The following PAAF1 variants were observed in gnomAD, a reference collection of about 807,000 sequenced individuals.
The protein encoded by PAAF1 is proteasomal ATPase-associated factor 1.
Under a neutral mutation model 52.8 loss-of-function variants are expected in PAAF1, and 46 were observed. That is an observed-to-expected ratio of 0.87 (90% CI 0.69 to 1.11). The LOEUF (loss-of-function observed/expected upper bound fraction) is 1.11, where lower values mean the gene tolerates loss of function less well. Among genes scored for constraint, PAAF1 ranks in the 50% most tolerant of loss-of-function variants. The pLI is 0.00. For missense variants in PAAF1, 424 were observed against 477.4 expected, an observed-to-expected ratio of 0.89 and a Z score of 1.04; for synonymous variants, 178 against 172.8, an observed-to-expected ratio of 1.03 and a Z score of -0.24.
At chr11:73,907,794 G>A (rs1949803086) in intron 6 of PAAF1, among the ~76,000 whole-genome samples, 1 of 152,192 alleles carries the variant, frequency 6.6e-6, no homozygotes, top group African/African-American at 2.4e-5. Flanking sequence ...TAGGGTGGAT[G>A]TTGCCAAGAT....
chr11:73,879,915 T>C (rs1275289474), intron 2 of PAAF1: 4 of 151,328 alleles, frequency 2.6e-5, no homozygotes, highest in Non-Finnish European at 4.4e-5. Flanking sequence ...GAATAAAGGA[T>C]GGACTTTATA....
chr11:73,921,058 G>A (rs1950203146), intron 10 of PAAF1, among the ~76,000 whole-genome samples: 1 of 151,990 alleles, frequency 6.6e-6, no homozygotes, highest in Admixed American at 6.6e-5. Context: ...CCAGCACTTT[G>A]GGAGGTCAAG....
At chr11:73,907,323 C>T (rs1949789343) in intron 6 of PAAF1, among the ~76,000 whole-genome samples, 1 of 152,226 alleles carries the variant, frequency 6.6e-6, no homozygotes, top group South Asian at 2.1e-4. Flanking sequence ...GAATGTTCAG[C>T]CACCTACTGG....
chr11:73,920,623 C>T (rs915551717), intron 10 of PAAF1, among the ~76,000 whole-genome samples: 1 of 151,878 alleles, frequency 6.6e-6, no homozygotes, highest in Non-Finnish European at 1.5e-5. Context: ...GAAGCTGAAG[C>T]GGGTGGATTC....
At chr11:73,879,324 A>G (rs751242886) in intron 2 of PAAF1, 1 of 152,166 alleles carries the variant, frequency 6.6e-6, no homozygotes, top group Non-Finnish European at 1.5e-5. Context: ...TTAAGTTACC[A>G]TCATTTTTCT....
chr11:73,920,556 T>C (rs1294566678), intron 10 of PAAF1, among the ~76,000 whole-genome samples: 1 of 151,388 alleles, frequency 6.6e-6, no homozygotes, highest in Admixed American at 6.6e-5. Context: ...ATTAAAAAAA[T>C]ATTAAAAAGA....
Position 73,927,589 on chromosome 11 carries a change from T to C in PAAF1, c.*227T>C, listed in dbSNP as rs533391519. On this transcript the variant is annotated 3_prime_UTR_variant, in exon 12 of 12. Coordinates refer to ENST00000310571, the MANE Select transcript of PAAF1 (RefSeq NM_025155.3). Reference sequence around the variant, plus strand: ...CACTGCATTTGTTCCAACTTCTCCTTGTATAAACTCACCCCAGCAACACAG... The same window carrying C: ...CACTGCATTTGTTCCAACTTCTCCTCGTATAAACTCACCCCAGCAACACAG... 5.2e-6 allele frequency: 3 copies of C among 582,500 alleles called. No homozygotes were observed. Among genetic ancestry groups the C allele is most frequent in the South Asian group, 2.1e-5 (1 of 47,156 alleles). 36.1% of individuals were successfully genotyped at this position (582,500 alleles called of 1,614,324 possible).
At chr11:73,877,648 A>G (rs1948780315) in intron 1 of PAAF1, among the ~76,000 whole-genome samples, 1 of 152,114 alleles carries the variant, frequency 6.6e-6, no homozygotes, top group East Asian at 1.9e-4. Flanking sequence ...CACTTTGGAA[A>G]ACTGAGATTG....
intron 2 of PAAF1, among the ~76,000 whole-genome samples, chr11:73,882,845 C>T (rs1028808351): frequency 5.3e-5 from 8 of 151,884 alleles, no homozygotes; most frequent in African/African-American, 7.3e-5. Context: ...CCTTGAGATC[C>T]GCCCACCTCG....
At chr11:73,916,409 A>G in intron 8 of PAAF1, 136 bp from the exon 9 acceptor site, 1 of 623,420 alleles carries the variant, frequency 1.6e-6, no homozygotes, top group Non-Finnish European at 2.8e-6. Context: ...TGTGTAATTT[A>G]CCATTTGAGA....
chr11:73,922,785 C>T (rs1405406711), intron 10 of PAAF1, among the ~76,000 whole-genome samples: 2 of 148,148 alleles, frequency 1.3e-5, no homozygotes, highest in Non-Finnish European at 3.0e-5. Flanking sequence ...CCACTGCACT[C>T]CAGCTTGGGT....
At chr11:73,884,349 T>TA (rs1004214804) in intron 2 of PAAF1, among the ~76,000 whole-genome samples, 15 of 151,192 alleles carry the variant, frequency 9.9e-5, no homozygotes, top group East Asian at 3.9e-4. Context: ...AAAATAAAAA[T>TA]AAAAAAAATA....
At chr11:73,923,545 A>G (rs1950282075) in intron 10 of PAAF1, among the ~76,000 whole-genome samples, 2 of 151,798 alleles carry the variant, frequency 1.3e-5, no homozygotes, top group Non-Finnish European at 2.9e-5. Context: ...GTTTTTATGT[A>G]TTTATTTTGA....
chr11:73,927,629 T>A lies in PAAF1; in HGVS notation c.*267T>A, dbSNP rs558293529. On this transcript the variant is annotated 3_prime_UTR_variant, in exon 12 of 12. Transcript: ENST00000310571. ...CAGCAACACAGGGCAAGGATATAGA[T>A]GCTTTTAGTTTGTTCTTAAACCAGT... 9.7e-5 allele frequency: 49 copies of A among 502,858 alleles called. No homozygotes were observed. The highest frequency in any genetic ancestry group is 1.6e-4 in the Non-Finnish European group (45 of 282,102). 31.1% of individuals were successfully genotyped at this position (502,858 alleles called of 1,614,324 possible).
At chr11:73,886,310 C>T (rs557498414) in intron 2 of PAAF1, among the ~76,000 whole-genome samples, 2 of 152,348 alleles carry the variant, frequency 1.3e-5, no homozygotes, top group African/African-American at 4.8e-5. Context: ...GTTGAGATCA[C>T]TCTAAAAGCC....
At chr11:73,910,757 G>A (rs1174898283) in intron 7 of PAAF1, among the ~76,000 whole-genome samples, 2 of 152,064 alleles carry the variant, frequency 1.3e-5, no homozygotes, top group Admixed American at 6.6e-5. Context: ...TTGGGAGGCC[G>A]AGGCGGGCGA....
rs1950427712 is a variant in PAAF1 at position 73,929,607 on chromosome 11, C to G, written c.*2245C>G. ...AGCACCTTCTGCTGCACTGTGTAAT[C>G]ACAGGCAGGTAGCAAGAGACTTTTG... On this transcript the variant is annotated 3_prime_UTR_variant, in exon 12 of 12. Coordinates refer to ENST00000310571, the MANE Select transcript of PAAF1 (RefSeq NM_025155.3). The G allele has an allele frequency of 6.6e-6, 1 of 152,234 alleles. No individual in the cohort carries two copies. 9.4% of individuals were successfully genotyped at this position (152,234 alleles called of 1,614,324 possible).
In PAAF1 at chr11:73,878,836, A is replaced by G; in HGVS notation, c.88+17A>G. On this transcript the variant is annotated intron_variant, in intron 2 of 11. Transcript: ENST00000310571. ...ATCCCCCAGGTAATACCCATGAATTATATATGCTGTGACTTTAAAGGAGAA... is the reference window on the plus strand; with the variant it reads ...ATCCCCCAGGTAATACCCATGAATTGTATATGCTGTGACTTTAAAGGAGAA... The G allele has an allele frequency of 1.9e-6, 3 of 1,611,430 alleles. No individual in the cohort carries two copies. Among genetic ancestry groups the G allele is most frequent in the Non-Finnish European group, 2.5e-6 (3 of 1,178,000 alleles).
intron 4 of PAAF1, among the ~76,000 whole-genome samples, chr11:73,893,249 A>C (rs1040442468): frequency 6.6e-6 from 1 of 152,206 alleles, no homozygotes; most frequent in Non-Finnish European, 1.5e-5. Context: ...GGTGTGTTCT[A>C]ATGCATTGCC....
Sources: gnomAD v4.1 joint callset for allele counts (sites outside exome capture counted in the v4.1 genomes callset) on GRCh38, gnomAD v4.1.1 for gene constraint, MANE v1.5 for transcripts, NCBI Gene and HGNC (gene_info 2026-07-23, HGNC 2026-07-21) for gene names.